The following SCML2 variants were observed in gnomAD, a reference collection of about 807,000 sequenced individuals.
SCML2 encodes sex comb on midleg-like protein 2.
A neutral mutation model predicts 48.4 loss-of-function variants in SCML2; 6 were observed. That is an observed-to-expected ratio of 0.12 (90% CI 0.07 to 0.24). The LOEUF is 0.24. SCML2 is among the 10% of genes least tolerant of loss of function. The pLI is 1.00. For missense variants in SCML2, 377 were observed against 528.2 expected, an observed-to-expected ratio of 0.71 and a Z score of 2.81; for synonymous variants, 181 against 189.5, an observed-to-expected ratio of 0.95 and a Z score of 0.37.
rs1165128674 is a variant in SCML2, at chrX:18,330,582, C to T, written c.91+5G>A. The T allele has an allele frequency of 1.8e-6, 2 of 1,116,432 alleles. No individual in the cohort carries two copies. Among genetic ancestry groups the T allele is most frequent in the Non-Finnish European group, 2.4e-6 (2 of 825,830 alleles). 92.0% of individuals were successfully genotyped at this position (1,116,432 alleles called of 1,213,427 possible). A position where few individuals can be genotyped will look rare whatever the true frequency, so the allele number is the denominator to read the frequency against. On this transcript the variant is annotated splice_donor_5th_base_variant and intron_variant, in intron 3 of 14. Transcript: ENST00000251900. ...TATGCTGTATTAAATTACTTTAAAA[C>T]CTACCCCTTTGTACAGAAGATGTAC...
At chrX:18,310,341 C>G (rs1296995297) in intron 6 of SCML2, among the ~76,000 whole-genome samples, 1 of 99,063 alleles carries the variant, frequency 1.0e-5, no homozygotes. Flanking sequence ...CCTCGGCTCA[C>G]TGCAACCTCC....
Position 18,343,629 on chromosome X carries a change from G to A in SCML2, c.-24-9534C>T, listed in dbSNP as rs1305839871. 9.2e-5 allele frequency among the ~76,000 whole-genome samples: 10 copies of A among 108,643 alleles called. No individual in the cohort carries two copies. The East Asian group carries it at 1.2e-3, about 13-fold the overall frequency. The allele number at this position is 108,643 out of a possible 115,157, so 94.3% of individuals were successfully genotyped here. ...ACAAAAATTAGCCAGGTGTGGTGGCGGGCGCCTGTAATCCCAGCTACTCAG... is the reference window on the plus strand; with the variant it reads ...ACAAAAATTAGCCAGGTGTGGTGGCAGGCGCCTGTAATCCCAGCTACTCAG... On this transcript the variant is annotated intron_variant, in intron 1 of 14. Coordinates refer to ENST00000251900, the MANE Select transcript of SCML2 (RefSeq NM_006089.3).
chrX:18,309,909 C>T (rs764933025), intron 6 of SCML2, among the ~76,000 whole-genome samples: 6 of 111,308 alleles, frequency 5.4e-5, no homozygotes, highest in Admixed American at 4.8e-4. Context: ...TGCACACGTA[C>T]CCCATGTACC....
At chrX:18,354,736 C>T, upstream of SCML2, 1 of 229,321 alleles carries the variant, frequency 4.4e-6, no homozygotes, top group Non-Finnish European at 7.9e-6. Context: ...CCCCGCCCCC[C>T]GCGCGGCCGG....
chrX:18,320,457 C>T (rs765347618), intron 5 of SCML2, 37 bp from the exon 6 acceptor site: 9 of 885,663 alleles, frequency 1.0e-5, no homozygotes, highest in Non-Finnish European at 1.4e-5. Context: ...ATGAAAAAGC[C>T]TCCTTGTGAT....
intron 6 of SCML2, among the ~76,000 whole-genome samples, chrX:18,314,432 A>G (rs1929051561): frequency 9.0e-6 from 1 of 111,627 alleles, no homozygotes; most frequent in South Asian, 3.7e-4. Context: ...CAAAGCTTCT[A>G]TCACTACTAT....
chrX:18,281,041 GAATA>G (rs1384969170), intron 7 of SCML2, among the ~76,000 whole-genome samples: 1 of 75,860 alleles, frequency 1.3e-5, no homozygotes, highest in East Asian at 3.4e-4. Context: ...AACAACCACA[GAATA>G]TATATCCTTC....
At chrX:18,308,292 A>G (rs1340121861) in intron 6 of SCML2, among the ~76,000 whole-genome samples, 8 of 86,042 alleles carry the variant, frequency 9.3e-5, no homozygotes, top group Non-Finnish European at 1.3e-4. Context: ...ACAGGAAGGA[A>G]GGAAGGGAGG....
Position 18,265,685 on chromosome X carries a change from G to A in SCML2, c.848C>T (p.Ser283Leu). 8.3e-7 allele frequency: 1 copy of A among 1,209,840 alleles called. No homozygotes were observed. The highest frequency in any genetic ancestry group is 1.1e-6 in the Non-Finnish European group (1 of 893,949). Residue 283 changes from serine (S) to leucine (L), a missense_variant, in exon 8 of 15, where the codon TCA becomes TTA. Physicochemically the swap from Ser to Leu is moderately radical, Grantham distance 145. This residue lies in a region of SCML2 where 299 missense variants were observed against 425.5 expected (regional missense o/e 0.70). Coordinates refer to ENST00000251900, the MANE Select transcript of SCML2 (RefSeq NM_006089.3). ...LILPTQQVRR[S>L]SRIKPPGPTA... ...AGGTCCAGGTGGTTTAATTCGACTT[G>A]ATCTCCTGACCTGCTGTGTTGGTAA...
intron 7 of SCML2, among the ~76,000 whole-genome samples, chrX:18,268,455 G>A (rs1927331180): frequency 9.1e-6 from 1 of 110,024 alleles, no homozygotes; most frequent in African/African-American, 3.3e-5. Flanking sequence ...CTTGAACCCG[G>A]GAGGCAGAGG....
intron 11 of SCML2, among the ~76,000 whole-genome samples, chrX:18,250,393 T>A (rs1409829163): frequency 1.8e-5 from 2 of 109,421 alleles, no homozygotes; most frequent in East Asian, 5.8e-4. Flanking sequence ...TTTTTTTTCT[T>A]TTTTTTGAGA....
intron 7 of SCML2, among the ~76,000 whole-genome samples, chrX:18,279,993 T>C (rs1192801463): frequency 9.0e-6 from 1 of 111,375 alleles, no homozygotes; most frequent in Non-Finnish European, 1.9e-5. Context: ...GAGGTTGACA[T>C]GCAAACAGAA....
chrX:18,337,226 T>C (rs993211870), intron 1 of SCML2, among the ~76,000 whole-genome samples: 2 of 93,373 alleles, frequency 2.1e-5, no homozygotes, highest in African/African-American at 8.4e-5. Context: ...CACTTGAACA[T>C]GGGAGGTGGA....
At chrX:18,298,502 T>C (rs1010610262) in intron 7 of SCML2, among the ~76,000 whole-genome samples, 4 of 112,132 alleles carry the variant, frequency 3.6e-5, no homozygotes, top group African/African-American at 1.3e-4. Context: ...AGAACGTACA[T>C]TGGGACACGG....
chrX:18,257,743 C>A (rs1926900637), intron 10 of SCML2, among the ~76,000 whole-genome samples: 1 of 107,914 alleles, frequency 9.3e-6, no homozygotes, highest in South Asian at 4.2e-4. Flanking sequence ...CAAAAGTTAG[C>A]CAGGCATGAT....
chrX:18,353,982 TCCCCGCCAG>T (rs1930455991), intron 1 of SCML2, among the ~76,000 whole-genome samples: 1 of 112,182 alleles, frequency 8.9e-6, no homozygotes, highest in African/African-American at 3.2e-5. Flanking sequence ...CCTCCTCGCC[TCCCCGCCAG>T]CCCCGGACGG....
At chrX:18,309,804 A>C (rs1667020011) in intron 6 of SCML2, among the ~76,000 whole-genome samples, 2 of 111,332 alleles carry the variant, frequency 1.8e-5, no homozygotes, top group African/African-American at 6.5e-5. Context: ...TGAGGATCAA[A>C]AAACTACCTA....
intron 7 of SCML2, among the ~76,000 whole-genome samples, chrX:18,266,992 T>C (rs1753951358): frequency 8.9e-6 from 1 of 112,164 alleles, no homozygotes; most frequent in African/African-American, 3.2e-5. Flanking sequence ...ACTTCCACTT[T>C]TTTGAAAAAG....
intron 1 of SCML2, among the ~76,000 whole-genome samples, chrX:18,353,503 G>A (rs774480843): frequency 1.8e-5 from 2 of 112,105 alleles, no homozygotes; most frequent in East Asian, 5.6e-4. Context: ...CACTTTCCCT[G>A]CCTCAGTTTA....
Sources: gnomAD v4.1 joint callset for allele counts (sites outside exome capture counted in the v4.1 genomes callset) on GRCh38, gnomAD v4.1.1 for gene constraint, gnomAD v4.1.1 regional missense constraint, MANE v1.5 for transcripts, NCBI Gene and HGNC (gene_info 2026-07-23, HGNC 2026-07-21) for gene names.